Variants in ANK3 observed in about 807,000 individuals in gnomAD.
ANK3 encodes the protein ankyrin-3.
Under a neutral mutation model 370.9 loss-of-function variants are expected in ANK3, and 57 were observed. The ratio of observed to expected loss-of-function variants is 0.15; its 90% CI spans 0.12 to 0.19. ANK3 has a LOEUF of 0.19. ANK3 is among the 10% of genes least tolerant of loss of function. ANK3 has a pLI of 1.00. For missense variants in ANK3, 4,439 were observed against 5,302.1 expected (o/e 0.84, Z 5.06); for synonymous variants, 1,929 against 1,946.3 (o/e 0.99, Z 0.23).
rs1311679346 is a variant in ANK3 at position 60,075,403 on chromosome 10, A to C, written c.5478T>G (p.Ser1826=). 1 of 1,613,754 alleles carries C rather than the reference A, an allele frequency of 6.2e-7. No individual in the cohort carries two copies. The highest frequency in any genetic ancestry group is 8.5e-7 in the Non-Finnish European group (1 of 1,180,016). ...TSSIITVPVY[S]VVNVLPEPAL... The stretch of plus-strand genomic sequence containing the variant: ...CTGGTTCTGGCAAAACATTGACTAC[A>C]GAGTATACTGGCACTGTTATAATTG... The change falls in exon 37 of 44, where the codon TCT becomes TCG. Residue 1826 remains serine (S), a synonymous_variant. Transcript: ENST00000280772.
At chr10:60,154,384 T>C (rs2095259268) in intron 23 of ANK3, among the ~76,000 whole-genome samples, 1 of 152,198 alleles carries the variant, frequency 6.6e-6, no homozygotes, top group African/African-American at 2.4e-5. Flanking sequence ...GTCCTAGACA[T>C]TTGGCAAGAA....
intron 25 of ANK3, among the ~76,000 whole-genome samples, chr10:60,130,184 G>C (rs139146180): frequency 2.3e-4 from 35 of 152,290 alleles, no homozygotes; most frequent in Middle Eastern, 3.4e-3. Context: ...GGCTCAACAG[G>C]GGGTGGAGAT....
Position 60,572,636 on chromosome 10 carries a change from T to C in ANK3, c.96+42550A>G, listed in dbSNP as rs532503147. On this transcript the variant is annotated intron_variant, in intron 2 of 43. Transcript: ENST00000373827. ...ATTGAGACCAAAGTCCATTTACGGGTGCTCCCCAGGCAAAGCAGCCGCTGC... is the reference window on the plus strand; with the variant it reads ...ATTGAGACCAAAGTCCATTTACGGGCGCTCCCCAGGCAAAGCAGCCGCTGC... 8 of 1,475,606 alleles carry C rather than the reference T, an allele frequency of 5.4e-6. No homozygotes were observed. The African/African-American group carries it at 1.1e-4, about 21-fold the overall frequency. 91.4% of individuals were successfully genotyped at this position (1,475,606 alleles called of 1,614,324 possible).
At chr10:60,517,019 A>G (rs548094407) in intron 2 of ANK3, among the ~76,000 whole-genome samples, 14 of 151,670 alleles carry the variant, frequency 9.2e-5, no homozygotes, top group Non-Finnish European at 2.1e-4. Context: ...TCAATTTATC[A>G]TCTCTGGGTG....
At chr10:60,469,850 C>T (rs2065172374) in intron 2 of ANK3, among the ~76,000 whole-genome samples, 1 of 151,288 alleles carries the variant, frequency 6.6e-6, no homozygotes, top group South Asian at 2.1e-4. Context: ...GAAAATGAAT[C>T]CGTGCCAATG....
At chr10:60,539,180 C>T (rs1220450783) in intron 2 of ANK3, among the ~76,000 whole-genome samples, 6 of 151,610 alleles carry the variant, frequency 4.0e-5, no homozygotes, top group East Asian at 1.9e-4. Flanking sequence ...ACAATTATGT[C>T]GACATTATCT....
chr10:60,594,075 A>G (rs1185268102), intron 2 of ANK3, among the ~76,000 whole-genome samples: 1 of 152,168 alleles, frequency 6.6e-6, no homozygotes, highest in East Asian at 1.9e-4. Context: ...TTATAGAACT[A>G]AAACTTATTA....
intron 1 of ANK3, among the ~76,000 whole-genome samples, chr10:60,336,444 T>G (rs1245218700): frequency 1.3e-5 from 2 of 152,184 alleles, no homozygotes; most frequent in Non-Finnish European, 2.9e-5. Context: ...CTTCTCCCAG[T>G]GCATTTTTCC....
At position 60,403,429 on chromosome 10, in the gene ANK3, A is replaced by T. The variant is rs78287479; in HGVS notation, c.97-123790T>A. Among the ~76,000 whole-genome samples the T allele has an allele frequency of 7.3e-4, 111 of 152,334 alleles. 3 individuals are homozygous for T. In the East Asian group the frequency reaches 0.019, roughly 26 times the overall value. ...ACACCCCAGACTGATCTCTCTCATC[A>T]AGAGAAATGTAAAAATGCTTTACAA... On this transcript the variant is annotated intron_variant, in intron 2 of 43. Transcript: ENST00000373827.
chr10:60,075,895 T>C lies in ANK3; in HGVS notation c.4986A>G (p.Ser1662=), dbSNP rs2083683743. 1 of 1,614,076 alleles carries C rather than the reference T, an allele frequency of 6.2e-7. No individual in the cohort carries two copies. The highest frequency in any genetic ancestry group is 8.5e-7 in the Non-Finnish European group (1 of 1,180,002). ...TTAGCGGTGCTGCTGATGTAATAAT[T>C]GACTTAAATGGCAAACTTGAGGAAT... is the stretch of plus-strand genomic sequence containing the variant. ...NMYSSSLPFK[S]IITSAAPLIS... is the part of the protein sequence containing the mutation. The change falls in exon 37 of 44, where the codon TCA becomes TCG. Residue 1662 remains serine, a synonymous_variant. Transcript: ENST00000280772.
intron 1 of ANK3, among the ~76,000 whole-genome samples, chr10:60,299,047 T>C (rs1360573875): frequency 6.6e-6 from 1 of 152,210 alleles, no homozygotes; most frequent in African/African-American, 2.4e-5. Context: ...AATATGCTTA[T>C]ATTACTAGTA....
chr10:60,444,398 T>C (rs1165615320), intron 2 of ANK3, among the ~76,000 whole-genome samples: 2 of 149,968 alleles, frequency 1.3e-5, no homozygotes, highest in Non-Finnish European at 3.0e-5. Flanking sequence ...ACATATATAA[T>C]ACATAAAACA....
intron 2 of ANK3, among the ~76,000 whole-genome samples, chr10:60,560,269 C>A (rs928242837): frequency 6.6e-6 from 1 of 152,078 alleles, no homozygotes; most frequent in African/African-American, 2.4e-5. Flanking sequence ...CTGATGATAT[C>A]AAGGTCATTC....
intron 2 of ANK3, among the ~76,000 whole-genome samples, chr10:60,477,874 A>G (rs2075114216): frequency 6.6e-6 from 1 of 152,140 alleles, no homozygotes; most frequent in Non-Finnish European, 1.5e-5. Context: ...GAGGTTGCAA[A>G]TGAACAGATT....
chr10:60,121,282 C>T (rs1441442985), intron 25 of ANK3, among the ~76,000 whole-genome samples: 2 of 149,438 alleles, frequency 1.3e-5, no homozygotes, highest in Non-Finnish European at 3.0e-5. Flanking sequence ...TAATTGAGTT[C>T]ATGGAGATCG....
intron 42 of ANK3, among the ~76,000 whole-genome samples, chr10:60,049,867 T>A (rs935016881): frequency 6.6e-6 from 1 of 152,188 alleles, no homozygotes; most frequent in Non-Finnish European, 1.5e-5. Context: ...AAAACTTCTT[T>A]ATCCCCGCCT....
intron 39 of ANK3, among the ~76,000 whole-genome samples, chr10:60,063,796 C>A (rs904550510): frequency 1.3e-5 from 2 of 152,224 alleles, no homozygotes; most frequent in African/African-American, 2.4e-5. Context: ...TCCCTCTCTG[C>A]ACATCCACCT....
At chr10:60,079,223 A>ACACACACACACC (rs1564852491) in intron 36 of ANK3, among the ~76,000 whole-genome samples, 2 of 147,548 alleles carry the variant, frequency 1.4e-5, no homozygotes, top group Non-Finnish European at 3.0e-5. Context: ...ACACACACAC[A>ACACACACACACC]CACCCCTCTT....
chr10:60,587,014 A>G (rs554670783), intron 2 of ANK3, among the ~76,000 whole-genome samples: 1 of 152,200 alleles, frequency 6.6e-6, no homozygotes, highest in African/African-American at 2.4e-5. Context: ...TTATAAAGGA[A>G]AGATGCTTAA....
Sources: gnomAD v4.1 joint callset for allele counts (sites outside exome capture counted in the v4.1 genomes callset) on GRCh38, gnomAD v4.1.1 for gene constraint, MANE v1.5 for transcripts, NCBI Gene and HGNC (gene_info 2026-07-23, HGNC 2026-07-21) for gene names.